Variants in GANC observed in about 807,000 individuals in gnomAD.
GANC encodes the protein neutral alpha-glucosidase C.
GANC carries 117 observed loss-of-function variants against 124.2 expected under a neutral mutation model. The observed-to-expected ratio is 0.94, with a 90% confidence interval of 0.81 to 1.10. The LOEUF is 1.10. Ranked by LOEUF, GANC falls within the 50% of genes least tolerant of loss-of-function variation. The pLI is 0.00. For synonymous variants in GANC, 377 were observed against 376.8 expected, an observed-to-expected ratio of 1.00 and a Z score of -0.01; for missense variants, 1,140 against 1,095.0, an observed-to-expected ratio of 1.04 and a Z score of -0.58.
intron 1 of GANC, 185 bp from the exon 2 acceptor site, chr15:42,276,163 C>A (rs1238997594): frequency 2.2e-6 from 1 of 447,412 alleles, no homozygotes; most frequent in Middle Eastern, 5.6e-4. Flanking sequence ...AGAGGGTTTA[C>A]AAAAGGCTAT....
chr15:42,277,907 G>C (rs12916792), intron 2 of GANC: 138,856 of 147,762 alleles, frequency 0.94, 65,629 homozygotes, highest in Non-Finnish European at 1. Context: ...TGGCCATAAT[G>C]TTCATTTGAA....
intron 10 of GANC, among the ~76,000 whole-genome samples, chr15:42,311,728 A>C (rs1346318546): frequency 6.6e-6 from 1 of 152,162 alleles, no homozygotes; most frequent in Non-Finnish European, 1.5e-5. Context: ...AAGAACAGCA[A>C]GGGAGAAATC....
rs1288850367 is a variant in GANC at position 42,343,095 on chromosome 15, C to G, written c.2170C>G (p.His724Asp). ...TTACTTAGGGAGTGCATTATTGGTT[C>G]ATCCAGTCACAGAACCAAAAGCCAC... Reference protein sequence around the residue: ...EYMLGSALLVHPVTEPKATTV... With the variant: ...EYMLGSALLVDPVTEPKATTV... The change falls in exon 19 of 24, where the codon CAT becomes GAT. Residue 724 changes from histidine to aspartate, a missense_variant. Coordinates refer to ENST00000318010, the MANE Select transcript of GANC (RefSeq NM_198141.3). 1 of 1,613,816 alleles carries G rather than the reference C, an allele frequency of 6.2e-7. No homozygotes were observed. The highest frequency in any genetic ancestry group is 8.5e-7 in the Non-Finnish European group (1 of 1,179,884).
chr15:42,283,698 C>T (rs186306114), intron 3 of GANC: 45 of 702,448 alleles, frequency 6.4e-5, no homozygotes, highest in Admixed American at 1.4e-4. Flanking sequence ...GTGAAGTTAC[C>T]CCTTGCCTCT....
intron 15 of GANC, among the ~76,000 whole-genome samples, chr15:42,330,879 C>G (rs1415167969): frequency 6.7e-6 from 1 of 149,368 alleles, no homozygotes; most frequent in Non-Finnish European, 1.5e-5. Flanking sequence ...CATTGACCAC[C>G]TGGGCTCAAG....
chr15:42,348,004 T>C, intron 20 of GANC, 99 bp from the exon 21 acceptor site: 1 of 702,798 alleles, frequency 1.4e-6, no homozygotes. Context: ...AAATCCGTAC[T>C]TGTAGACTGT....
Position 42,308,291 on chromosome 15 carries a change from C to T in GANC, c.695C>T (p.Ala232Val). The change falls in exon 8 of 24, where the codon GCA (alanine) becomes GTA (valine). Residue 232 changes from alanine (A) to valine (V), a missense_variant. Ala to Val is a moderately conservative substitution (Grantham distance 64). Transcript: ENST00000318010. The part of the protein sequence containing the change: ...FEHLYGIPQH[A>V]ESHQLKNTGD... ...CATCTTTATGGGATCCCACAACATG[C>T]AGAATCACACCAACTTAAAAATACT... The T allele has an allele frequency of 6.2e-7, 1 of 1,607,628 alleles. No homozygotes were observed. Among genetic ancestry groups the T allele is most frequent in the Non-Finnish European group, 8.5e-7 (1 of 1,175,002 alleles).
chr15:42,352,058 G>C lies in GANC; in HGVS notation c.2664G>C (p.Thr888=), dbSNP rs376286778. Residue 888 remains threonine (T), a synonymous_variant, in exon 24 of 24, where the codon ACG becomes ACC. Transcript: ENST00000318010. ...GTAAAGATCAGCCTGTGGCTTTTAC[G>C]TATTGTGCCAAAACATCCATCCTGA... ...SDGKDQPVAF[T]YCAKTSILSL... 123 of 1,613,908 alleles carry C rather than the reference G, an allele frequency of 7.6e-5. No homozygotes were observed. Among genetic ancestry groups the C allele is most frequent in the Non-Finnish European group, 1.0e-4 (118 of 1,179,964 alleles).
At chr15:42,351,209 A>G (rs1019206011) in intron 22 of GANC, 120 bp from the exon 23 acceptor site, 17 of 689,560 alleles carry the variant, frequency 2.5e-5, no homozygotes, top group Non-Finnish European at 3.9e-5. Flanking sequence ...TATGACTCCC[A>G]TATGGATCAT....
In GANC at chr15:42,278,545, A is replaced by G. The variant is rs143664870; in HGVS notation, c.156A>G (p.Thr52=). 12 of 1,613,052 alleles carry G rather than the reference A, an allele frequency of 7.4e-6. No homozygotes were observed. In the African/African-American group the frequency reaches 1.6e-4, roughly 22 times the overall value. Residue 52 remains threonine, a synonymous_variant, in exon 3 of 24, where the codon ACA becomes ACG. Coordinates refer to ENST00000318010, the MANE Select transcript of GANC (RefSeq NM_198141.3). ...AGGCATTATTGGATTCAGTCACAAC[A>G]GATGAAGACAGCACCAGGTTCCAAA... The part of the protein sequence containing the change: ...TYQALLDSVT[T]DEDSTRFQII...
In GANC at chr15:42,274,270, C is replaced by A. The variant is rs549986013; in HGVS notation, c.-212C>A. Reference sequence around the variant, plus strand: ...ATCAAGACAAATTTGCCAAATAAATCATTGTAGAAACGCTAGTTTGGGCCT... The same window carrying A: ...ATCAAGACAAATTTGCCAAATAAATAATTGTAGAAACGCTAGTTTGGGCCT... On this transcript the variant is annotated 5_prime_UTR_variant, in exon 1 of 24. Coordinates refer to ENST00000318010, the MANE Select transcript of GANC (RefSeq NM_198141.3). 11 of 586,592 alleles carry A rather than the reference C, an allele frequency of 1.9e-5. No individual in the cohort carries two copies. In the East Asian group the frequency reaches 3.5e-4, roughly 19 times the overall value. 36.3% of individuals were successfully genotyped at this position (586,592 alleles called of 1,614,324 possible).
chr15:42,283,397 C>T (rs62019209), intron 3 of GANC, among the ~76,000 whole-genome samples: 10,184 of 152,226 alleles, frequency 0.067, 446 homozygotes, highest in Non-Finnish European at 0.097. Flanking sequence ...CTACTACTAT[C>T]AGTTTTCTAT....
intron 4 of GANC, among the ~76,000 whole-genome samples, chr15:42,288,564 A>G (rs1054633671): frequency 1.3e-5 from 2 of 152,226 alleles, no homozygotes; most frequent in African/African-American, 4.8e-5. Context: ...AAAATCTTAT[A>G]AAAGGTCAAT....
chr15:42,349,785 A>G (rs1288418613), intron 22 of GANC, among the ~76,000 whole-genome samples: 1 of 151,818 alleles, frequency 6.6e-6, no homozygotes, highest in Admixed American at 6.6e-5. Flanking sequence ...AGTAGCTGGA[A>G]CTACAGGCAT....
chr15:42,332,560 A>G (rs1487644374), intron 15 of GANC, among the ~76,000 whole-genome samples: 1 of 152,216 alleles, frequency 6.6e-6, no homozygotes, highest in African/African-American at 2.4e-5. Flanking sequence ...TGACTAAACA[A>G]TAGTATGAGA....
chr15:42,344,561 A>G (rs748503902), intron 19 of GANC: 1 of 152,206 alleles, frequency 6.6e-6, no homozygotes, highest in African/African-American at 2.4e-5. Flanking sequence ...ACGTGAGTAC[A>G]TCTTTTTGAG....
At chr15:42,305,383 C>CAA (rs1323976880) in intron 6 of GANC, among the ~76,000 whole-genome samples, 1 of 152,180 alleles carries the variant, frequency 6.6e-6, no homozygotes, top group African/African-American at 2.4e-5. Flanking sequence ...AAATGCAAAT[C>CAA]AAAACCACAA....
At chr15:42,294,094 C>T (rs528713928) in intron 5 of GANC, among the ~76,000 whole-genome samples, 7 of 151,388 alleles carry the variant, frequency 4.6e-5, no homozygotes, top group East Asian at 1.9e-4. Context: ...TTGTAAACCC[C>T]GATGATTTTG....
chr15:42,281,071 T>G, intron 3 of GANC: 1 of 702,532 alleles, frequency 1.4e-6, no homozygotes, highest in Non-Finnish European at 2.6e-6. Flanking sequence ...ACCTGGGACA[T>G]CAGCAACGTA....
Sources: gnomAD v4.1 joint callset for allele counts (sites outside exome capture counted in the v4.1 genomes callset) on GRCh38, gnomAD v4.1.1 for gene constraint, MANE v1.5 for transcripts, NCBI Gene and HGNC (gene_info 2026-07-23, HGNC 2026-07-21) for gene names.